ZFPM1: variants seen among roughly 807,000 people sequenced by gnomAD.
ZFPM1 encodes the protein zinc finger protein ZFPM1.
In ZFPM1, 28 loss-of-function variants were observed where a neutral mutation model predicts 46.3. The ratio of observed to expected loss-of-function variants is 0.60; its 90% CI spans 0.45 to 0.83. The LOEUF is 0.83. Ranked by LOEUF, ZFPM1 falls within the 40% of genes least tolerant of loss-of-function variation. ZFPM1 has a pLI of 0.00. For synonymous variants in ZFPM1, 957 were observed against 675.9 expected (o/e 1.42, Z -6.45); for missense variants, 1,878 against 1,432.4 (o/e 1.31, Z -5.02).
At chr16:88,468,961 G>A in intron 1 of ZFPM1, 1 of 154,322 alleles carries the variant, frequency 6.5e-6, no homozygotes, top group Middle Eastern at 5.3e-4. Context: ...CAGGCGGATG[G>A]ACAGGCTGGC....
intron 4 of ZFPM1, among the ~76,000 whole-genome samples, chr16:88,518,672 A>G (rs1911529459): frequency 2.3e-5 from 3 of 130,100 alleles, no homozygotes; most frequent in African/African-American, 5.9e-5. Flanking sequence ...TGGATGGATG[A>G]GTGGGTGGGT....
In ZFPM1 at chr16:88,533,389, C is replaced by T. The variant is rs199604457; in HGVS notation, c.1431C>T (p.Gly477=). 6.7e-4 allele frequency: 1,023 copies of T among 1,523,222 alleles called. 23 individuals are homozygous for T. The East Asian group carries it at 0.014, about 21-fold the overall frequency. The allele number at this position is 1,523,222 out of a possible 1,614,324, so 94.4% of individuals were successfully genotyped here. Residue 477 remains glycine, a synonymous_variant, in exon 10 of 10, where the codon GGC becomes GGT. Transcript: ENST00000319555. ...AGCCGGAGGCGGCCCCCATCCTGGG[C>T]CCCGGAGAGCCTGGGCCCCAGGCCC... ...VEEPEAAPIL[G]PGEPGPQAPS...
At chr16:88,513,862 G>A (rs952317696) in intron 3 of ZFPM1, among the ~76,000 whole-genome samples, 1 of 152,164 alleles carries the variant, frequency 6.6e-6, no homozygotes, top group African/African-American at 2.4e-5. Context: ...TCTTCCCATG[G>A]TCTTTTCTGT....
chr16:88,492,898 C>T (rs1909658922), intron 3 of ZFPM1, among the ~76,000 whole-genome samples: 1 of 152,218 alleles, frequency 6.6e-6, no homozygotes, highest in Admixed American at 6.5e-5. Flanking sequence ...AGTTCCTGGG[C>T]ACACAAGGAC....
At position 88,532,855 on chromosome 16, in the gene ZFPM1, A is replaced by T. The variant is rs1912905254; in HGVS notation, c.1109A>T (p.Asn370Ile). ...RDILYSHLVT[N>I]HMVCQPGSKG... ...ATCCTCTACAGCCACTTGGTCACCA[A>T]CCACATGGTCTGCCAGCCTGGCTCC... The change falls in exon 9 of 10, where the codon AAC becomes ATC. Residue 370 changes from asparagine (N) to isoleucine (I), a missense_variant. By Grantham distance (149) the Asn-to-Ile change is moderately radical. Transcript: ENST00000319555. 6.2e-7 allele frequency: 1 copy of T among 1,613,480 alleles called. No individual in the cohort carries two copies. Among genetic ancestry groups the T allele is most frequent in the Non-Finnish European group, 8.5e-7 (1 of 1,179,970 alleles).
chr16:88,534,132 G>C lies in ZFPM1; in HGVS notation c.2174G>C (p.Gly725Ala). 9.9e-7 allele frequency: 1 copy of C among 1,005,902 alleles called. No individual in the cohort carries two copies. Among genetic ancestry groups the C allele is most frequent in the South Asian group, 4.4e-5 (1 of 22,952 alleles). 62.3% of individuals were successfully genotyped at this position (1,005,902 alleles called of 1,614,324 possible). The change falls in exon 10 of 10, where the codon GGG becomes GCG. Residue 725 changes from glycine (G) to alanine (A), a missense_variant. By Grantham distance (60) the Gly-to-Ala change is moderately conservative. Coordinates refer to ENST00000319555, the MANE Select transcript of ZFPM1 (RefSeq NM_153813.3). ...RRPAAPPGPP[G>A]PAAPPAPSPA... ...CCGGCCGCGCCCCCGGGACCCCCTG[G>C]GCCGGCCGCGCCCCCGGCCCCCTCT... is the stretch of plus-strand genomic sequence containing the variant.
At chr16:88,490,274 G>A (rs111616898) in intron 3 of ZFPM1, among the ~76,000 whole-genome samples, 11 of 152,206 alleles carry the variant, frequency 7.2e-5, no homozygotes, top group African/African-American at 2.6e-4. Context: ...GGATGGTCTC[G>A]ATCTCCTGAC....
chr16:88,533,178 C>A lies in ZFPM1; in HGVS notation c.1220C>A (p.Thr407Lys). Residue 407 changes from threonine to lysine, a missense_variant, in exon 10 of 10, where the codon ACG (threonine) becomes AAG (lysine). Physicochemically the swap from Thr to Lys is moderately conservative, Grantham distance 78 (BLOSUM62 -1). Transcript: ENST00000319555. ...CTGGGCAGCTTCCAGCAGCAGCACA[C>A]GGCCCTGCAAGGCCCCCTGGCCTCC... The part of the protein sequence containing the change: ...DSLGSFQQQH[T>K]ALQGPLASAD... 1 of 1,522,370 alleles carries A rather than the reference C, an allele frequency of 6.6e-7. No homozygotes were observed. The highest frequency in any genetic ancestry group is 2.1e-5 in the Admixed American group (1 of 46,962). 94.3% of individuals were successfully genotyped at this position (1,522,370 alleles called of 1,614,324 possible). A position where few individuals can be genotyped will look rare whatever the true frequency, so the allele number is the denominator to read the frequency against.
chr16:88,501,276 C>A lies in ZFPM1; in HGVS notation c.268+12123C>A, dbSNP rs66724434. 4.6e-3 allele frequency among the ~76,000 whole-genome samples: 219 copies of A among 47,882 alleles called. 10 individuals are homozygous for A. The highest frequency in any genetic ancestry group is 0.023 in the Middle Eastern group (1 of 44). 31.4% of individuals were successfully genotyped at this position (47,882 alleles called of 152,430 possible). On this transcript the variant is annotated intron_variant, in intron 3 of 9. Transcript: ENST00000319555. ...ACTGGTGATGATGGAGATAGTGGGC[C>A]TGGGTGCGGGGGCCCTCCCGCAGGT...
At chr16:88,461,159 G>C (rs1351696732) in intron 1 of ZFPM1, among the ~76,000 whole-genome samples, 3 of 133,288 alleles carry the variant, frequency 2.3e-5, no homozygotes, top group East Asian at 2.3e-4. Context: ...CCGAGGGGCG[G>C]GAGACCTGGT....
chr16:88,524,735 C>G (rs1186849824), intron 4 of ZFPM1, among the ~76,000 whole-genome samples: 1 of 152,176 alleles, frequency 6.6e-6, no homozygotes, highest in African/African-American at 2.4e-5. Flanking sequence ...TAGGACTGAC[C>G]CCCCTGAGAC....
intron 1 of ZFPM1, among the ~76,000 whole-genome samples, chr16:88,472,510 C>T (rs1364087351): frequency 2.6e-5 from 4 of 152,006 alleles, no homozygotes; most frequent in Non-Finnish European, 5.9e-5. Flanking sequence ...CCTGCCACCA[C>T]GCCCAGCTAA....
At chr16:88,461,103 A>G (rs1907837940) in intron 1 of ZFPM1, among the ~76,000 whole-genome samples, 1 of 65,024 alleles carries the variant, frequency 1.5e-5, no homozygotes, top group African/African-American at 9.3e-5. Flanking sequence ...AAGGGGCAGG[A>G]GGCCCTGGTG....
chr16:88,531,149 G>T (rs1051297642), intron 6 of ZFPM1: 4 of 152,254 alleles, frequency 2.6e-5, no homozygotes, highest in African/African-American at 4.8e-5. Context: ...GAATCCCAGG[G>T]CCCCTGGGTT....
In ZFPM1 at chr16:88,533,847, C is replaced by T. The variant is rs1460605211; in HGVS notation, c.1889C>T (p.Ala630Val). The T allele has an allele frequency of 9.9e-5, 98 of 984,998 alleles. No homozygotes were observed. Among genetic ancestry groups the T allele is most frequent in the African/African-American group, 2.0e-4 (11 of 56,360 alleles). The allele number at this position is 984,998 out of a possible 1,614,324, so 61.0% of individuals were successfully genotyped here. A position where few individuals can be genotyped will look rare whatever the true frequency, so the allele number is the denominator to read the frequency against. ...GPARAPPGQP[A>V]EPDAPRSSPG... ...GCCCGCGCGCCCCCCGGCCAGCCCGCCGAACCCGACGCGCCGCGCTCGTCC... is the reference window on the plus strand; with the variant it reads ...GCCCGCGCGCCCCCCGGCCAGCCCGTCGAACCCGACGCGCCGCGCTCGTCC... Residue 630 changes from alanine (A) to valine (V), a missense_variant, in exon 10 of 10, where the codon GCC becomes GTC. Coordinates refer to ENST00000319555, the MANE Select transcript of ZFPM1 (RefSeq NM_153813.3).
rs181796500 is a variant in ZFPM1 at position 88,506,469 on chromosome 16, A to G, written c.269-7918A>G. ...GCTTAACTGCAATGCTGGGCACACAATAACACAGAATAATCCAGAAAGGAC... is the reference window on the plus strand; with the variant it reads ...GCTTAACTGCAATGCTGGGCACACAGTAACACAGAATAATCCAGAAAGGAC... On this transcript the variant is annotated intron_variant, in intron 3 of 9. Transcript: ENST00000319555. Among the ~76,000 whole-genome samples the G allele has an allele frequency of 4.0e-4, 60 of 151,100 alleles. No individual in the cohort carries two copies. In the East Asian group the frequency reaches 0.011, roughly 28 times the overall value.
intron 1 of ZFPM1, among the ~76,000 whole-genome samples, chr16:88,456,142 C>G (rs1299241985): frequency 6.6e-6 from 1 of 152,228 alleles, no homozygotes; most frequent in African/African-American, 2.4e-5. Flanking sequence ...CCCAAACACA[C>G]TTAATTGCCA....
At chr16:88,532,271 C>G (rs762191894) in intron 7 of ZFPM1, 36 bp downstream of exon 7, 2 of 1,539,662 alleles carry the variant, frequency 1.3e-6, no homozygotes, top group African/African-American at 2.7e-5. Context: ...CCTCAGGATG[C>G]CGGCTGCTTC....
chr16:88,518,182 G>A (rs927032373), intron 4 of ZFPM1, among the ~76,000 whole-genome samples: 1 of 151,942 alleles, frequency 6.6e-6, no homozygotes, highest in South Asian at 2.1e-4. Flanking sequence ...TCCAGCCTAG[G>A]CGACAGAGCG....
Sources: gnomAD v4.1 joint callset for allele counts (sites outside exome capture counted in the v4.1 genomes callset) on GRCh38, gnomAD v4.1.1 for gene constraint, MANE v1.5 for transcripts, NCBI Gene and HGNC (gene_info 2026-07-23, HGNC 2026-07-21) for gene names.